Variants in IPCEF1 observed in about 807,000 individuals in gnomAD.
The protein encoded by IPCEF1 is interaction protein for cytohesin exchange factors 1, also known as interactor protein for cytohesin exchange factors 1.
IPCEF1 carries 31 observed loss-of-function variants against 50.9 expected under a neutral mutation model. The ratio of observed to expected loss-of-function variants is 0.61; its 90% CI spans 0.46 to 0.82. The LOEUF is 0.82. Among genes scored for constraint, IPCEF1 ranks in the 40% least tolerant of loss-of-function variants. IPCEF1 has a pLI of 0.00. For synonymous variants in IPCEF1, 181 were observed against 192.0 expected (o/e 0.94, Z 0.47); for missense variants, 458 against 514.0 (o/e 0.89, Z 1.05).
chr6:154,186,658 G>T, intron 10 of IPCEF1, among the ~76,000 whole-genome samples: 1 of 151,976 alleles, frequency 6.6e-6, no homozygotes, highest in Non-Finnish European at 1.5e-5. Context: ...CCGGGTTCGC[G>T]CCATTCTCCT....
At chr6:154,309,249 A>T (rs1228269717) in intron 1 of IPCEF1, among the ~76,000 whole-genome samples, 1 of 152,194 alleles carries the variant, frequency 6.6e-6, no homozygotes, top group Non-Finnish European at 1.5e-5. Context: ...ATAACCGCTC[A>T]TTCACAGCCT....
chr6:154,319,076 T>C (rs561979690), intron 1 of IPCEF1, among the ~76,000 whole-genome samples: 2 of 152,350 alleles, frequency 1.3e-5, no homozygotes, highest in East Asian at 3.9e-4. Flanking sequence ...ACTAAATTCT[T>C]GTCATATTAT....
intron 3 of IPCEF1, among the ~76,000 whole-genome samples, chr6:154,256,592 TCA>T (rs945738377): frequency 2.1e-4 from 31 of 151,198 alleles, no homozygotes; most frequent in African/African-American, 6.8e-4. Context: ...TGTGTCTCTC[TCA>T]CACACACACA....
Position 154,168,043 on chromosome 6 carries a change from A to G in IPCEF1, c.981T>C (p.Ser327=), listed in dbSNP as rs1799573809. The part of the protein sequence containing the change: ...LYKSLEQASL[S]PLGDRRPSTK... ...TCGAAGGTCGTCGGTCCCCAAGAGG[A>G]GATAGACTAGCTTGCTCTAATGATT... Residue 327 remains serine (S), a synonymous_variant, in exon 11 of 12, where the codon TCT becomes TCC. Transcript: ENST00000367220. The surrounding 1 kb of genome is among the most constrained non-coding windows in gnomAD (Gnocchi z 4.1). The G allele has an allele frequency of 6.2e-7, 1 of 1,610,318 alleles. No homozygotes were observed. Among genetic ancestry groups the G allele is most frequent in the South Asian group, 1.1e-5 (1 of 90,674 alleles).
chr6:154,224,481 G>C (rs1004100236), intron 5 of IPCEF1, among the ~76,000 whole-genome samples: 2 of 152,144 alleles, frequency 1.3e-5, no homozygotes, highest in Admixed American at 6.5e-5. Flanking sequence ...GCTGAGGAGG[G>C]TGGATCACTT....
chr6:154,265,107 C>T, intron 3 of IPCEF1, among the ~76,000 whole-genome samples: 1 of 152,194 alleles, frequency 6.6e-6, no homozygotes, highest in East Asian at 1.9e-4. Flanking sequence ...ACACTCCCCA[C>T]AGTCCCTTCT....
intron 10 of IPCEF1, among the ~76,000 whole-genome samples, chr6:154,188,374 TA>T (rs1268575126): frequency 4.6e-5 from 7 of 151,970 alleles, no homozygotes; most frequent in Non-Finnish European, 7.4e-5. Context: ...TGGAGAGAGG[TA>T]AAGAGACCAA....
At chr6:154,236,754 C>T (rs1430744096) in intron 5 of IPCEF1, among the ~76,000 whole-genome samples, 1 of 151,908 alleles carries the variant, frequency 6.6e-6, no homozygotes, top group African/African-American at 2.4e-5. Context: ...GAGGCGAGGC[C>T]CAGAGATGGT....
chr6:154,327,116 A>G lies in IPCEF1; in HGVS notation c.-62+29556T>C, dbSNP rs574160855. On this transcript the variant is annotated intron_variant, in intron 1 of 11. Coordinates refer to ENST00000367220, the MANE Select transcript of IPCEF1 (RefSeq NM_001130700.2). ...AAACCCAAAACCATAAAAACCCTAG[A>G]AGAAAATCTAGGCAATACCATTCAG... Among the ~76,000 whole-genome samples the G allele has an allele frequency of 3.3e-5, 5 of 152,356 alleles. No homozygotes were observed. In the South Asian group the frequency reaches 8.3e-4, roughly 25 times the overall value.
chr6:154,210,205 T>C (rs1562543111), intron 9 of IPCEF1, among the ~76,000 whole-genome samples: 1 of 152,234 alleles, frequency 6.6e-6, no homozygotes, highest in Non-Finnish European at 1.5e-5. Context: ...TTCACCAGTG[T>C]GTTCTAGATG....
At chr6:154,330,913 G>A (rs1783643082) in intron 1 of IPCEF1, among the ~76,000 whole-genome samples, 1 of 152,154 alleles carries the variant, frequency 6.6e-6, no homozygotes, top group African/African-American at 2.4e-5. Flanking sequence ...GTTGGAGGAG[G>A]TAGCTAGGCA....
chr6:154,326,967 G>T (rs557371415), intron 1 of IPCEF1, among the ~76,000 whole-genome samples: 1 of 152,284 alleles, frequency 6.6e-6, no homozygotes, highest in Non-Finnish European at 1.5e-5. Flanking sequence ...AATGGAGAAA[G>T]AATTCCCTAT....
chr6:154,189,388 C>T (rs191169161), intron 10 of IPCEF1, among the ~76,000 whole-genome samples: 11 of 151,888 alleles, frequency 7.2e-5, no homozygotes, highest in Non-Finnish European at 5.9e-5. Flanking sequence ...GGTGTATACC[C>T]GTAGAGAAAT....
At chr6:154,227,650 G>A (rs924361253) in intron 5 of IPCEF1, among the ~76,000 whole-genome samples, 4 of 152,068 alleles carry the variant, frequency 2.6e-5, no homozygotes, top group African/African-American at 9.7e-5. Flanking sequence ...CCCGGAGGTC[G>A]AGGCTGTCAT....
intron 2 of IPCEF1, among the ~76,000 whole-genome samples, chr6:154,266,562 AT>A (rs1781759884): frequency 2.4e-5 from 1 of 41,894 alleles, no homozygotes; most frequent in Non-Finnish European, 5.6e-5. Flanking sequence ...TAATATTACT[AT>A]ATATATATAT....
chr6:154,199,807 C>A lies in IPCEF1; in HGVS notation c.771G>T (p.Lys257Asn). Reference sequence around the variant, plus strand: ...ATGTGACAAAACTGTTTTCCAGGGCCTTGTGGATGCCTGCCTCTGAGGGTA... The same window carrying A: ...ATGTGACAAAACTGTTTTCCAGGGCATTGTGGATGCCTGCCTCTGAGGGTA... Reference protein sequence around the residue: ...SPVPSEAGIHKALENSFVTSE... With the variant: ...SPVPSEAGIHNALENSFVTSE... Residue 257 changes from lysine (K) to asparagine (N), a missense_variant, in exon 10 of 12, where the codon AAG becomes AAT. Physicochemically the swap from Lys to Asn is moderately conservative, Grantham distance 94. Transcript: ENST00000367220. 2 of 1,614,150 alleles carry A rather than the reference C, an allele frequency of 1.2e-6. No homozygotes were observed. The highest frequency in any genetic ancestry group is 1.1e-5 in the South Asian group (1 of 91,082).
intron 2 of IPCEF1, among the ~76,000 whole-genome samples, chr6:154,273,724 C>CTTTTTTTTT (rs71021036): frequency 1.6e-5 from 1 of 63,328 alleles, no homozygotes; most frequent in Non-Finnish European, 3.2e-5. Context: ...TTCTTTCTTT[C>CTTTTTTTTT]TTTTTTTTTT....
intron 10 of IPCEF1, among the ~76,000 whole-genome samples, chr6:154,173,079 G>A (rs184948376): frequency 2.3e-4 from 35 of 152,346 alleles, no homozygotes; most frequent in African/African-American, 8.2e-4. Context: ...TGAGGGTCCT[G>A]TCTGTTACAA....
At chr6:154,226,525 T>A (rs1377654995) in intron 5 of IPCEF1, among the ~76,000 whole-genome samples, 5 of 152,118 alleles carry the variant, frequency 3.3e-5, no homozygotes, top group African/African-American at 1.2e-4. Flanking sequence ...AAACTCAAAG[T>A]TGTATAGTTG....
Sources: allele counts gnomAD v4.1 joint callset (sites outside exome capture counted in the v4.1 genomes callset), GRCh38; gene constraint gnomAD v4.1.1; non-coding constraint Gnocchi (gnomAD v3.1); transcripts MANE v1.5; gene names NCBI Gene and HGNC (gene_info 2026-07-23, HGNC 2026-07-21).